UGT1A5: variants seen among roughly 807,000 people sequenced by gnomAD.
UGT1A5 encodes the protein UDP-glucuronosyltransferase 1A5.
A neutral mutation model predicts 40.3 loss-of-function variants in UGT1A5; 29 were observed. The observed-to-expected ratio is 0.72, with a 90% CI of 0.54 to 0.98. The LOEUF (loss-of-function observed/expected upper bound fraction) is 0.98. Among genes scored for constraint, UGT1A5 ranks in the 50% least tolerant of loss-of-function variants. The probability of loss-of-function intolerance (pLI) is 0.00; values close to 1 mark genes in which losing one functional copy is unlikely to be tolerated. For missense variants in UGT1A5, 678 were observed against 677.9 expected, an observed-to-expected ratio of 1.00 and a Z score of 0.00; for synonymous variants, 257 against 262.5, an observed-to-expected ratio of 0.98 and a Z score of 0.20.
intron 1 of UGT1A5, among the ~76,000 whole-genome samples, chr2:233,764,593 G>A (rs3771341): frequency 0.33 from 49,748 of 151,964 alleles, 8,444 homozygotes; most frequent in African/African-American, 0.4. Flanking sequence ...TTTTCCAGAT[G>A]AGCTTCAGTG....
chr2:233,751,938 T>C (rs1430674262), intron 1 of UGT1A5, among the ~76,000 whole-genome samples: 3 of 152,190 alleles, frequency 2.0e-5, no homozygotes, highest in South Asian at 2.1e-4. Flanking sequence ...ATTGAAGTTA[T>C]ACTGAAAGGG....
chr2:233,770,205 T>G (rs1217853012), intron 4 of UGT1A5: 1 of 152,310 alleles, frequency 6.6e-6, no homozygotes, highest in Non-Finnish European at 1.5e-5. Flanking sequence ...TATTCATTTT[T>G]GAGCCATCCC....
chr2:233,718,121 TG>T, intron 1 of UGT1A5: 1 of 289,636 alleles, frequency 3.5e-6, no homozygotes. Context: ...TCTTATTCCA[TG>T]GTGTAGATGG....
intron 1 of UGT1A5, among the ~76,000 whole-genome samples, chr2:233,766,608 C>T (rs2126027033): frequency 6.6e-6 from 1 of 152,314 alleles, no homozygotes; most frequent in South Asian, 2.1e-4. Context: ...ACCACACCCT[C>T]TTCTACCCAG....
intron 1 of UGT1A5, among the ~76,000 whole-genome samples, chr2:233,727,290 G>A (rs1306281777): frequency 6.6e-6 from 1 of 152,162 alleles, no homozygotes; most frequent in Non-Finnish European, 1.5e-5. Flanking sequence ...GGAAGCTGAT[G>A]ACTTGGGCAG....
In UGT1A5 at chr2:233,713,413, T is replaced by C. The variant is rs749800314; in HGVS notation, c.422T>C (p.Leu141Pro). 1 of 1,614,190 alleles carries C rather than the reference T, an allele frequency of 6.2e-7. No homozygotes were observed. Among genetic ancestry groups the C allele is most frequent in the Non-Finnish European group, 8.5e-7 (1 of 1,180,022 alleles). Residue 141 changes from leucine to proline, a missense_variant, in exon 1 of 5, where the codon CTG becomes CCG. Transcript: ENST00000373414. ...LLHNEALIRH[L>P]HATSFDVVLT... ...CATAATGAGGCCCTGATCAGGCACC[T>C]GCATGCTACTTCCTTTGATGTGGTT...
intron 1 of UGT1A5, among the ~76,000 whole-genome samples, chr2:233,761,633 C>A (rs1697819960): frequency 6.6e-6 from 1 of 152,236 alleles, no homozygotes; most frequent in Non-Finnish European, 1.5e-5. Context: ...CTAAATCCTG[C>A]AGTCCGTTCT....
At chr2:233,743,417 G>C (rs1204856342) in intron 1 of UGT1A5, 2 of 1,334,558 alleles carry the variant, frequency 1.5e-6, no homozygotes, top group African/African-American at 1.5e-5. Flanking sequence ...CCACTTCCCA[G>C]GGAGCCAAAG....
intron 1 of UGT1A5, chr2:233,755,013 G>T: frequency 3.1e-6 from 4 of 1,294,530 alleles, no homozygotes; most frequent in Non-Finnish European, 4.2e-6. Flanking sequence ...CTACTCGAAG[G>T]GGTCCTTGAA....
At chr2:233,732,002 T>C (rs950186664) in intron 1 of UGT1A5, among the ~76,000 whole-genome samples, 3 of 152,234 alleles carry the variant, frequency 2.0e-5, no homozygotes, top group South Asian at 2.1e-4. Context: ...TGGTATCTCA[T>C]TGTGGTTTTG....
In UGT1A5 at chr2:233,725,076, A is replaced by C. The variant is rs376662690; in HGVS notation, c.867+11218A>C. ...GCGGCGCGCGCCTGCAATCGCAGGC[A>C]CTCGGCAGGCTGAGGCAGGAGAATC... On this transcript the variant is annotated intron_variant, in intron 1 of 4. Transcript: ENST00000373414. 3.9e-4 allele frequency among the ~76,000 whole-genome samples: 56 copies of C among 144,798 alleles called. 8 individuals are homozygous for C. In the East Asian group the frequency reaches 0.012, roughly 30 times the overall value. 95.0% of individuals were successfully genotyped at this position (144,798 alleles called of 152,430 possible).
intron 1 of UGT1A5, among the ~76,000 whole-genome samples, chr2:233,762,910 G>A (rs1185953158): frequency 1.3e-5 from 2 of 152,074 alleles, no homozygotes; most frequent in Non-Finnish European, 2.9e-5. Flanking sequence ...CAGGGCTATT[G>A]AATTTATTAG....
Sources: gnomAD v4.1 joint callset for allele counts (sites outside exome capture counted in the v4.1 genomes callset) on GRCh38, gnomAD v4.1.1 for gene constraint, MANE v1.5 for transcripts, NCBI Gene and HGNC (gene_info 2026-07-23, HGNC 2026-07-21) for gene names.